Variants in THSD4 observed in about 807,000 individuals in gnomAD.
The protein encoded by THSD4 is thrombospondin type 1 domain containing 4, also known as thrombospondin type-1 domain-containing protein 4.
THSD4 carries 69 observed loss-of-function variants against 119.0 expected under a neutral mutation model. The ratio of observed to expected loss-of-function variants is 0.58; its 90% CI spans 0.48 to 0.71. The LOEUF (loss-of-function observed/expected upper bound fraction) is 0.71, where lower values mean the gene tolerates loss of function less well. THSD4 is among the 30% of genes least tolerant of loss of function. The pLI is 0.00. For missense variants in THSD4, 1,393 were observed against 1,391.1 expected (o/e 1.00, Z -0.02); for synonymous variants, 524 against 540.4 (o/e 0.97, Z 0.42).
At chr15:71,168,708 G>A (rs2043320817) in intron 3 of THSD4, among the ~76,000 whole-genome samples, 1 of 152,164 alleles carries the variant, frequency 6.6e-6, no homozygotes, top group East Asian at 1.9e-4. Context: ...AATGCGGTAG[G>A]ATGTGCAACC....
intron 3 of THSD4, among the ~76,000 whole-genome samples, chr15:71,167,923 G>C (rs1297013019): frequency 2.0e-5 from 3 of 152,174 alleles, no homozygotes; most frequent in Non-Finnish European, 2.9e-5. Context: ...ATTTCCAAAT[G>C]CTGCTCAGGT....
intron 4 of THSD4, 65 bp downstream of exon 4, chr15:71,215,464 C>T: frequency 3.5e-6 from 5 of 1,414,690 alleles, no homozygotes; most frequent in Non-Finnish European, 4.7e-6. Flanking sequence ...CTGTCCCTGC[C>T]CCTGCCTCGC....
chr15:71,098,096 C>A (rs2040238893), intron 1 of THSD4, among the ~76,000 whole-genome samples: 1 of 151,816 alleles, frequency 6.6e-6, no homozygotes, highest in South Asian at 2.1e-4. Flanking sequence ...TGTCCCAAGG[C>A]AGTGCTGCTT....
intron 15 of THSD4, among the ~76,000 whole-genome samples, chr15:71,762,628 C>A (rs1208992758): frequency 1.3e-5 from 2 of 152,194 alleles, no homozygotes; most frequent in African/African-American, 2.4e-5. Context: ...AGAGGCCAGA[C>A]CTTTGCCTGC....
At chr15:71,111,402 A>C, upstream of THSD4, 1 of 1,610,946 alleles carries the variant, frequency 6.2e-7, no homozygotes, top group African/African-American at 1.3e-5. Flanking sequence ...AGGAACTCAG[A>C]CTGTAGGTCA....
chr15:71,377,277 G>A (rs1411144499), intron 6 of THSD4, among the ~76,000 whole-genome samples: 6 of 152,168 alleles, frequency 3.9e-5, no homozygotes, highest in Admixed American at 2.0e-4. Context: ...AAATGAGTTT[G>A]AGGTGAAAGC....
chr15:71,478,492 C>A (rs1466412103), intron 7 of THSD4, among the ~76,000 whole-genome samples: 2 of 151,962 alleles, frequency 1.3e-5, no homozygotes, highest in Admixed American at 6.6e-5. Context: ...TATAGACAAC[C>A]CGATTTGGTG....
At chr15:71,757,105 G>A (rs1250470375) in intron 14 of THSD4, among the ~76,000 whole-genome samples, 1 of 152,130 alleles carries the variant, frequency 6.6e-6, no homozygotes, top group African/African-American at 2.4e-5. Context: ...TCAGAAATGT[G>A]TTTCTATGCC....
intron 6 of THSD4, among the ~76,000 whole-genome samples, chr15:71,305,271 A>T (rs771761498): frequency 6.6e-6 from 1 of 152,246 alleles, no homozygotes; most frequent in Non-Finnish European, 1.5e-5. Flanking sequence ...CCCAGAGGAC[A>T]GACTTGAGTC....
Position 71,688,769 on chromosome 15 carries a change from A to G in THSD4, c.1357+28035A>G, listed in dbSNP as rs1048545716. ...TGTGACAGAGCAAGAGAGAGAAGAGAGAGAGGTGCCTGTAATTTTCTAAAA... is the reference window on the plus strand; with the variant it reads ...TGTGACAGAGCAAGAGAGAGAAGAGGGAGAGGTGCCTGTAATTTTCTAAAA... On this transcript the variant is annotated intron_variant, in intron 8 of 17. Transcript: ENST00000261862. Among the ~76,000 whole-genome samples the G allele has an allele frequency of 6.6e-5, 10 of 150,994 alleles. No individual in the cohort carries two copies. In the Admixed American group the frequency reaches 6.6e-4, roughly 10 times the overall value.
chr15:71,250,598 A>G (rs2044249474), intron 5 of THSD4, among the ~76,000 whole-genome samples: 2 of 152,200 alleles, frequency 1.3e-5, no homozygotes, highest in African/African-American at 2.4e-5. Context: ...GATCACAGGC[A>G]TGGGTCCACC....
At chr15:71,255,060 T>C (rs532542885) in intron 5 of THSD4, among the ~76,000 whole-genome samples, 1 of 152,234 alleles carries the variant, frequency 6.6e-6, no homozygotes, top group Non-Finnish European at 1.5e-5. Context: ...GTCCTTCTTC[T>C]GGTCCCTCAT....
At chr15:71,175,036 A>G (rs1326204188) in intron 3 of THSD4, among the ~76,000 whole-genome samples, 4 of 141,568 alleles carry the variant, frequency 2.8e-5, no homozygotes, top group African/African-American at 1.0e-4. Context: ...AAAGATGGGG[A>G]AAAAACAGAA....
intron 6 of THSD4, among the ~76,000 whole-genome samples, chr15:71,261,270 A>G (rs2044395923): frequency 1.3e-5 from 2 of 152,240 alleles, no homozygotes; most frequent in South Asian, 4.2e-4. Context: ...GGCAGAGACT[A>G]AAGTGATGCA....
At chr15:71,701,214 G>A (rs559834055) in intron 8 of THSD4, among the ~76,000 whole-genome samples, 16 of 152,240 alleles carry the variant, frequency 1.1e-4, no homozygotes, top group African/African-American at 3.8e-4. Context: ...AAGGATGTAT[G>A]TAAGTAATTC....
At chr15:71,505,907 G>T (rs1228436817) in intron 7 of THSD4, among the ~76,000 whole-genome samples, 2 of 152,184 alleles carry the variant, frequency 1.3e-5, no homozygotes, top group African/African-American at 4.8e-5. Flanking sequence ...GTTTCAAGAA[G>T]CAAACAATGA....
At chr15:71,353,617 C>T (rs2045771933) in intron 6 of THSD4, among the ~76,000 whole-genome samples, 1 of 152,218 alleles carries the variant, frequency 6.6e-6, no homozygotes, top group Non-Finnish European at 1.5e-5. Context: ...TCTGTGAACA[C>T]ATTCCCATGT....
In THSD4 at chr15:71,669,363, A is replaced by G. The variant is rs1347034158; in HGVS notation, c.1357+8629A>G. 2.0e-5 allele frequency among the ~76,000 whole-genome samples: 3 copies of G among 152,220 alleles called. No homozygotes were observed. The East Asian group carries it at 5.8e-4, about 29-fold the overall frequency. On this transcript the variant is annotated intron_variant, in intron 8 of 17. Transcript: ENST00000261862. ...ATGTCTATCTAAAATATTAGCCTTTATCTTACATTTCAACTCTGCTTAAAT... is the reference window on the plus strand; with the variant it reads ...ATGTCTATCTAAAATATTAGCCTTTGTCTTACATTTCAACTCTGCTTAAAT...
chr15:71,736,615 C>G (rs1215869122), intron 10 of THSD4, among the ~76,000 whole-genome samples: 1 of 151,542 alleles, frequency 6.6e-6, no homozygotes, highest in African/African-American at 2.4e-5. Flanking sequence ...CTGTCTCTGT[C>G]TCTCTGTCTC....
Sources: gnomAD v4.1 joint callset for allele counts (sites outside exome capture counted in the v4.1 genomes callset) on GRCh38, gnomAD v4.1.1 for gene constraint, MANE v1.5 for transcripts, NCBI Gene and HGNC (gene_info 2026-07-23, HGNC 2026-07-21) for gene names.